Variants in GET4 observed in about 807,000 individuals in gnomAD.
The protein encoded by GET4 is Golgi to ER traffic protein 4 homolog.
GET4 carries 20 observed loss-of-function variants against 40.0 expected under a neutral mutation model. The ratio of observed to expected loss-of-function variants is 0.50; its 90% CI spans 0.35 to 0.73. GET4 has a LOEUF of 0.73. Among genes scored for constraint, GET4 ranks in the 30% least tolerant of loss-of-function variants. The probability of loss-of-function intolerance (pLI) is 0.01; values close to 1 mark genes in which losing one functional copy is unlikely to be tolerated. For missense variants in GET4, 557 were observed against 454.0 expected (o/e 1.23, Z -2.06); for synonymous variants, 280 against 194.6 (o/e 1.44, Z -3.65).
At chr7:891,869 T>C (rs1844330377) in intron 5 of GET4, among the ~76,000 whole-genome samples, 2 of 152,268 alleles carry the variant, frequency 1.3e-5, no homozygotes, top group African/African-American at 2.4e-5. Context: ...CCTGGGGCAC[T>C]GAGCCCTCCC....
intron 5 of GET4, among the ~76,000 whole-genome samples, chr7:891,949 T>TGGTGCGGGCCAGCGCCTGACC (rs749027087): frequency 6.6e-6 from 1 of 152,392 alleles, no homozygotes; most frequent in African/African-American, 2.4e-5. Context: ...CGGAGTGTTC[T>TGGTGCGGGCCAGCGCCTGACC]GGTGCGGGCC....
intron 3 of GET4, 111 bp downstream of exon 3, chr7:886,761 G>C (rs917168379): frequency 6.2e-5 from 47 of 754,034 alleles, no homozygotes; most frequent in Non-Finnish European, 1.0e-4. Flanking sequence ...TGTGTGCTGT[G>C]GGGTGAACTC....
rs1206102757 is a variant in GET4 at position 876,714 on chromosome 7, C to G, written c.69C>G (p.Val23=). 1 of 1,370,710 alleles carries G rather than the reference C, an allele frequency of 7.3e-7. No individual in the cohort carries two copies. The highest frequency in any genetic ancestry group is 9.6e-7 in the Non-Finnish European group (1 of 1,046,970). The allele number at this position is 1,370,710 out of a possible 1,614,324, so 84.9% of individuals were successfully genotyped here. ...ACGGCGGCCGCAACCGCGGCGGCGT[C>G]CAGCGTGTGGAGGGCAAGCTGCGCG... ...ARNGGRNRGG[V]QRVEGKLRAS... The change falls in exon 1 of 9, where the codon GTC becomes GTG. Residue 23 remains valine (V), a synonymous_variant. Coordinates refer to ENST00000265857, the MANE Select transcript of GET4 (RefSeq NM_015949.3).
In GET4 at chr7:887,459, G is replaced by A. The variant is rs748554372; in HGVS notation, c.406G>A (p.Gly136Ser). 1.3e-6 allele frequency: 2 copies of A among 1,592,452 alleles called. No individual in the cohort carries two copies. The highest frequency in any genetic ancestry group is 2.3e-5 in the East Asian group (1 of 44,116). ...VSRALKWSSG[G>S]SGKLGHPRLH... Reference sequence around the variant, plus strand: ...CAGAGCCCTGAAGTGGTCCAGTGGGGGCTCCGGGAAGCTGGGCCACCCCCG... The same window carrying A: ...CAGAGCCCTGAAGTGGTCCAGTGGGAGCTCCGGGAAGCTGGGCCACCCCCG... The change falls in exon 4 of 9, where the codon GGC (glycine) becomes AGC (serine). Residue 136 changes from glycine (G) to serine (S), a missense_variant. By Grantham distance (56) the Gly-to-Ser change is moderately conservative. Coordinates refer to ENST00000265857, the MANE Select transcript of GET4 (RefSeq NM_015949.3).
In GET4 at chr7:892,143, T is replaced by C. The variant is rs558337883; in HGVS notation, c.606-135T>C. The C allele has an allele frequency of 1.8e-5, 14 of 780,688 alleles. No homozygotes were observed. In the South Asian group the frequency reaches 2.1e-4, roughly 12 times the overall value. 48.4% of individuals were successfully genotyped at this position (780,688 alleles called of 1,614,324 possible). ...ATGAGGGAAGACACGCGTGAAGCAC[T>C]GGGTCCCTCCATGGCCTTGGGCCGC... On this transcript the variant is annotated intron_variant, in intron 5 of 8. Coordinates refer to ENST00000265857, the MANE Select transcript of GET4 (RefSeq NM_015949.3).
rs756919659 is a variant in GET4 at position 893,799 on chromosome 7, AC to A, written c.810del (p.Met271CysfsTer9). 1.9e-6 allele frequency: 3 copies of A among 1,611,058 alleles called. No homozygotes were observed. ...CAGTACCAGCCATCCCTCCGGCGGG[AC>A]CCCATGTACAACGAGGTGAGAGCTT... Reference protein sequence around the residue: ...CEQYQPSLRRDPMYNEYLDRI... With the variant: ...CEQYQPSLRRXPMYNEYLDRI... On this transcript the variant is annotated frameshift_variant, in exon 7 of 9. Transcript: ENST00000265857. LOFTEE classifies it high-confidence loss of function.
At chr7:891,818 C>T (rs773702418) in intron 5 of GET4, among the ~76,000 whole-genome samples, 1 of 152,242 alleles carries the variant, frequency 6.6e-6, no homozygotes, top group Non-Finnish European at 1.5e-5. Context: ...CTCTGCGCTA[C>T]GCCGTGTACA....
intron 6 of GET4, among the ~76,000 whole-genome samples, chr7:893,261 G>A (rs1328240631): frequency 3.7e-5 from 5 of 134,754 alleles, no homozygotes; most frequent in African/African-American, 8.6e-5. Flanking sequence ...AGTGTTGGGC[G>A]CGGGCGCGGT....
Position 876,725 on chromosome 7 carries a change from A to C in GET4, c.80A>C (p.Glu27Ala), listed in dbSNP as rs1178221544. ...AACCGCGGCGGCGTCCAGCGTGTGG[A>C]GGGCAAGCTGCGCGCCAGCGTCGAG... ...GRNRGGVQRVEGKLRASVEKG... is the reference protein window; with the variant it reads ...GRNRGGVQRVAGKLRASVEKG... Residue 27 changes from glutamate (E) to alanine (A), a missense_variant, in exon 1 of 9, where the codon GAG becomes GCG. Transcript: ENST00000265857. The C allele has an allele frequency of 5.8e-6, 8 of 1,378,384 alleles. No individual in the cohort carries two copies. The highest frequency in any genetic ancestry group is 7.6e-6 in the Non-Finnish European group (8 of 1,050,650). 85.4% of individuals were successfully genotyped at this position (1,378,384 alleles called of 1,614,324 possible).
chr7:892,275 C>T lies in GET4; in HGVS notation c.606-3C>T. The T allele has an allele frequency of 1.3e-6, 2 of 1,586,198 alleles. No homozygotes were observed. Among genetic ancestry groups the T allele is most frequent in the Non-Finnish European group, 1.7e-6 (2 of 1,156,468 alleles). Reference sequence around the variant, plus strand: ...TCCACCACCAGCATGTTCTCATTTCCAGGTTTCTCTGTTTAAAAAACAAAA... The same window carrying T: ...TCCACCACCAGCATGTTCTCATTTCTAGGTTTCTCTGTTTAAAAAACAAAA... On this transcript the variant is annotated splice_polypyrimidine_tract_variant and splice_region_variant and intron_variant, in intron 5 of 8. Transcript: ENST00000265857.
intron 7 of GET4, 34 bp downstream of exon 7, chr7:893,849 C>T (rs772966227): frequency 5.6e-6 from 9 of 1,605,154 alleles, no homozygotes; most frequent in Non-Finnish European, 7.7e-6. Flanking sequence ...GAGGAGGGGA[C>T]CCCACGGTCT....
intron 6 of GET4, among the ~76,000 whole-genome samples, chr7:892,627 CTG>C (rs1411713270): frequency 8.4e-6 from 1 of 118,606 alleles, no homozygotes; most frequent in Non-Finnish European, 1.9e-5. Context: ...GTGCGGGTAG[CTG>C]TGTGGGTGTA....
At chr7:888,266 T>C (rs1844235697) in intron 4 of GET4, among the ~76,000 whole-genome samples, 1 of 152,204 alleles carries the variant, frequency 6.6e-6, no homozygotes, top group African/African-American at 2.4e-5. Context: ...TTGCTGAGCT[T>C]GGAACAGCTC....
intron 6 of GET4, among the ~76,000 whole-genome samples, 164 bp from the exon 7 acceptor site, chr7:893,576 G>A (rs1844391669): frequency 7.9e-6 from 1 of 126,508 alleles, no homozygotes; most frequent in Non-Finnish European, 1.6e-5. Context: ...AGGCGTGGTG[G>A]TTGCAGGTGA....
intron 5 of GET4, 55 bp from the exon 6 acceptor site, chr7:892,223 C>T (rs777212450): frequency 3.3e-5 from 51 of 1,563,074 alleles, no homozygotes; most frequent in Admixed American, 5.1e-5. Context: ...GGCGCCTGTG[C>T]GGGCAGAAGC....
intron 3 of GET4, chr7:886,923 G>T (rs1048235973): frequency 1.8e-6 from 1 of 541,754 alleles, no homozygotes; most frequent in African/African-American, 1.9e-5. Flanking sequence ...ATGGACAGTG[G>T]CCTCCCCGCC....
intron 4 of GET4, among the ~76,000 whole-genome samples, chr7:888,515 C>G (rs752054517): frequency 6.6e-6 from 1 of 152,226 alleles, no homozygotes; most frequent in Non-Finnish European, 1.5e-5. Flanking sequence ...TGAGCAAATC[C>G]AAGTAGAATT....
intron 1 of GET4, chr7:884,031 G>GC (rs1011662927): frequency 2.3e-4 from 266 of 1,154,934 alleles, no homozygotes; most frequent in Non-Finnish European, 2.7e-4. Context: ...CATCGGCAGT[G>GC]CCCCCCAGAG....
Position 895,440 on chromosome 7 carries a change from G to A in GET4, c.*18G>A. ...TGGACTGAACTGGCCAGGCCACGTG[G>A]AGACACCACGGTCGACGACGGCTGG... On this transcript the variant is annotated 3_prime_UTR_variant, in exon 9 of 9. Transcript: ENST00000265857. 1 of 1,378,610 alleles carries A rather than the reference G, an allele frequency of 7.3e-7. No individual in the cohort carries two copies. Among genetic ancestry groups the A allele is most frequent in the Non-Finnish European group, 1.0e-6 (1 of 972,288 alleles). 85.4% of individuals were successfully genotyped at this position (1,378,610 alleles called of 1,614,324 possible).
Sources: allele counts gnomAD v4.1 joint callset (sites outside exome capture counted in the v4.1 genomes callset), GRCh38; gene constraint gnomAD v4.1.1; transcripts MANE v1.5; gene names NCBI Gene and HGNC (gene_info 2026-07-23, HGNC 2026-07-21).